PRH1: variants seen among roughly 807,000 people sequenced by gnomAD.
PRH1 encodes proline rich protein HaeIII subfamily 1, also known as salivary acidic proline-rich phosphoprotein 1/2.
A neutral mutation model predicts 7.9 loss-of-function variants in PRH1; 7 were observed. The observed-to-expected ratio is 0.89, with a 90% confidence interval of 0.50 to 1.67. The LOEUF is 1.67. PRH1 is among the 40% of genes most tolerant of loss of function. The probability of loss-of-function intolerance (pLI) is 0.00; values close to 1 mark genes in which losing one functional copy is unlikely to be tolerated. For missense variants in PRH1, 109 were observed against 223.6 expected (o/e 0.49, Z 3.27); for synonymous variants, 45 against 80.8 (o/e 0.56, Z 2.38).
At chr12:10,995,387 T>G (rs184180077) in intron 1 of PRH1, among the ~76,000 whole-genome samples, 1 of 152,180 alleles carries the variant, frequency 6.6e-6, no homozygotes, top group African/African-American at 2.4e-5. Flanking sequence ...GATAATATTG[T>G]TAAAATTGCA....
chr12:10,897,331 C>T (rs1356382088), intron 2 of PRH1, among the ~76,000 whole-genome samples: 1 of 152,180 alleles, frequency 6.6e-6, no homozygotes, highest in East Asian at 1.9e-4. Context: ...CATTGCCTAT[C>T]ATTGACATTT....
At chr12:11,133,625 T>A in intron 1 of PRH1, 1 of 1,614,294 alleles carries the variant, frequency 6.2e-7, no homozygotes, top group Non-Finnish European at 8.5e-7. Flanking sequence ...CTGCATCTTC[T>A]TGAGATGTTT....
At chr12:11,128,813 A>G (rs1415557200) in intron 1 of PRH1, among the ~76,000 whole-genome samples, 2 of 135,578 alleles carry the variant, frequency 1.5e-5, no homozygotes, top group African/African-American at 2.6e-5. Context: ...TTAATATACT[A>G]TTTCTGTAAC....
chr12:11,140,577 TATGGAAA>T (rs1486659358), intron 1 of PRH1, among the ~76,000 whole-genome samples: 1 of 152,162 alleles, frequency 6.6e-6, no homozygotes, highest in Non-Finnish European at 1.5e-5. Flanking sequence ...ATGCTGTCTT[TATGGAAA>T]ACATGATAAT....
chr12:10,916,836 C>T (rs1007753889), intron 2 of PRH1, among the ~76,000 whole-genome samples: 1 of 151,536 alleles, frequency 6.6e-6, no homozygotes, highest in Non-Finnish European at 1.5e-5. Flanking sequence ...TATCTTGAGC[C>T]CAGGAGTTTG....
downstream of PRH1, among the ~76,000 whole-genome samples, chr12:11,117,906 T>C (rs1945776109): frequency 6.6e-6 from 1 of 152,128 alleles, no homozygotes; most frequent in African/African-American, 2.4e-5. Context: ...TATACAAATA[T>C]CAAATCAAAA....
At chr12:10,901,723 C>T (rs7486068) in intron 2 of PRH1, among the ~76,000 whole-genome samples, 74,608 of 151,828 alleles carry the variant, frequency 0.49, 20,754 homozygotes, top group East Asian at 0.72. Flanking sequence ...AAACCTGCAA[C>T]CTGTAAGTGC....
chr12:10,915,996 T>G (rs1193858325), intron 2 of PRH1, among the ~76,000 whole-genome samples: 4 of 152,144 alleles, frequency 2.6e-5, no homozygotes, highest in African/African-American at 9.7e-5. Flanking sequence ...ATGTTGCTAA[T>G]AAAGACATAC....
chr12:10,989,948 T>C (rs1321269984), intron 1 of PRH1, among the ~76,000 whole-genome samples: 3 of 152,216 alleles, frequency 2.0e-5, no homozygotes, highest in East Asian at 3.8e-4. Context: ...TTGTTTTTAA[T>C]TGGTTTTAGT....
At chr12:11,151,786 G>C (rs1302266518) in intron 1 of PRH1, among the ~76,000 whole-genome samples, 1 of 152,038 alleles carries the variant, frequency 6.6e-6, no homozygotes, top group African/African-American at 2.4e-5. Flanking sequence ...TATTATAATT[G>C]GGTACTAAAT....
At chr12:10,918,683 T>G (rs954363626) in intron 2 of PRH1, among the ~76,000 whole-genome samples, 4 of 152,208 alleles carry the variant, frequency 2.6e-5, no homozygotes, top group Non-Finnish European at 4.4e-5. Flanking sequence ...ACATTATAAT[T>G]CTATGTAACA....
At chr12:10,956,520 G>C (rs527986205) in intron 2 of PRH1, among the ~76,000 whole-genome samples, 1 of 152,024 alleles carries the variant, frequency 6.6e-6, no homozygotes, top group South Asian at 2.1e-4. Context: ...ACAAGACAAG[G>C]GTGTCCTCTC....
At chr12:11,002,299 T>G (rs1429876877) in intron 1 of PRH1, among the ~76,000 whole-genome samples, 2 of 152,112 alleles carry the variant, frequency 1.3e-5, no homozygotes, top group Non-Finnish European at 2.9e-5. Context: ...TCATGTTTTC[T>G]AAGTGCTGCG....
chr12:10,985,648 C>G (rs1381216944), intron 1 of PRH1, among the ~76,000 whole-genome samples: 1 of 152,068 alleles, frequency 6.6e-6, no homozygotes. Flanking sequence ...TACATGGGTT[C>G]ATGATTCTGA....
intron 1 of PRH1, among the ~76,000 whole-genome samples, chr12:11,059,548 G>GA (rs1228405987): frequency 2.7e-5 from 4 of 146,624 alleles, no homozygotes; most frequent in Admixed American, 6.8e-5. Flanking sequence ...ATTCACAATA[G>GA]AAAAAAATAC....
At chr12:11,057,719 G>C (rs2136170180) in intron 1 of PRH1, among the ~76,000 whole-genome samples, 1 of 152,240 alleles carries the variant, frequency 6.6e-6, no homozygotes, top group South Asian at 2.1e-4. Context: ...ACTCACAAAT[G>C]CTTTCTAGGA....
chr12:10,960,083 G>A (rs762057779), intron 2 of PRH1, among the ~76,000 whole-genome samples: 1 of 152,216 alleles, frequency 6.6e-6, no homozygotes, highest in Non-Finnish European at 1.5e-5. Context: ...ATTTAATGAA[G>A]TGGTGACAGC....
intron 1 of PRH1, chr12:11,133,141 A>ACG (rs2136368257): frequency 1.0e-6 from 1 of 987,488 alleles, no homozygotes; most frequent in East Asian, 2.7e-5. Context: ...ACACACACAC[A>ACG]CATCTATATA....
At chr12:11,083,690 T>C (rs2136237654) in intron 1 of PRH1, among the ~76,000 whole-genome samples, 1 of 152,422 alleles carries the variant, frequency 6.6e-6, no homozygotes, top group East Asian at 1.9e-4. Flanking sequence ...ATTTCCCTTT[T>C]GTTTCCTCCA....
Sources: allele counts gnomAD v4.1 joint callset (sites outside exome capture counted in the v4.1 genomes callset), GRCh38; gene constraint gnomAD v4.1.1; transcripts MANE v1.5; gene names NCBI Gene and HGNC (gene_info 2026-07-23, HGNC 2026-07-21).